Variants in SEMA5A observed in about 807,000 individuals in gnomAD.
SEMA5A encodes semaphorin 5A.
SEMA5A carries 55 observed loss-of-function variants against 135.5 expected under a neutral mutation model. The ratio of observed to expected loss-of-function variants is 0.41; its 90% CI spans 0.33 to 0.51. The LOEUF (loss-of-function observed/expected upper bound fraction) is 0.51, where lower values mean the gene tolerates loss of function less well. Ranked by LOEUF, SEMA5A falls within the 20% of genes least tolerant of loss-of-function variation. The pLI is 0.37. For missense variants in SEMA5A, 1,290 were observed against 1,419.9 expected (o/e 0.91, Z 1.47); for synonymous variants, 580 against 546.5 (o/e 1.06, Z -0.85).
At chr5:9,277,350 C>T (rs1340524416) in intron 5 of SEMA5A, among the ~76,000 whole-genome samples, 3 of 152,126 alleles carry the variant, frequency 2.0e-5, no homozygotes, top group Non-Finnish European at 2.9e-5. Flanking sequence ...AATAGGAATG[C>T]TTTTACACTG....
chr5:9,380,133 A>G, intron 2 of SEMA5A, 110 bp from the exon 3 acceptor site: 2 of 717,170 alleles, frequency 2.8e-6, no homozygotes, highest in Non-Finnish European at 4.4e-6. Context: ...GTGGAGATAG[A>G]GGAGAGCTTG....
intron 11 of SEMA5A, among the ~76,000 whole-genome samples, chr5:9,162,938 TG>T (rs1743374996): frequency 1.3e-5 from 2 of 152,150 alleles, no homozygotes; most frequent in Non-Finnish European, 2.9e-5. Context: ...AAGGTATTTT[TG>T]TTTCAAAAGT....
At chr5:9,318,464 AAAG>A in intron 4 of SEMA5A, 47 bp from the exon 5 acceptor site, 1 of 1,488,492 alleles carries the variant, frequency 6.7e-7, no homozygotes, top group Non-Finnish European at 9.2e-7. Flanking sequence ...TAGATCACAG[AAAG>A]TTAAGAGTTT....
intron 5 of SEMA5A, among the ~76,000 whole-genome samples, chr5:9,285,381 C>T (rs555434409): frequency 5.9e-5 from 9 of 152,278 alleles, no homozygotes; most frequent in South Asian, 2.1e-4. Context: ...GCCGTGAACC[C>T]GCCAAGACAG....
At chr5:9,419,097 T>TC (rs1757378053) in intron 2 of SEMA5A, among the ~76,000 whole-genome samples, 1 of 152,090 alleles carries the variant, frequency 6.6e-6, no homozygotes, top group Non-Finnish European at 1.5e-5. Flanking sequence ...AAGCATTTTT[T>TC]TTTTATTTCT....
chr5:9,120,946 T>G (rs1233811245), intron 14 of SEMA5A, among the ~76,000 whole-genome samples: 3 of 151,960 alleles, frequency 2.0e-5, no homozygotes, highest in Non-Finnish European at 4.4e-5. Context: ...GCCCAGCGAA[T>G]TTTGTATTTT....
chr5:9,461,061 C>G (rs1025782804), intron 1 of SEMA5A, among the ~76,000 whole-genome samples: 1 of 152,180 alleles, frequency 6.6e-6, no homozygotes, highest in African/African-American at 2.4e-5. Context: ...TATAGACAGG[C>G]TCACTGTAAT....
chr5:9,421,175 C>G (rs927865807), intron 2 of SEMA5A, among the ~76,000 whole-genome samples: 7 of 152,188 alleles, frequency 4.6e-5, no homozygotes, highest in African/African-American at 1.7e-4. Flanking sequence ...GTATCTTCCT[C>G]CATGTTTCTG....
At chr5:9,424,747 T>A (rs1482908978) in intron 2 of SEMA5A, among the ~76,000 whole-genome samples, 2 of 152,120 alleles carry the variant, frequency 1.3e-5, no homozygotes, top group Non-Finnish European at 2.9e-5. Flanking sequence ...TTAATTTATC[T>A]TCCCCTCTCT....
At chr5:9,053,890 A>C in intron 19 of SEMA5A, 197 bp downstream of exon 19, 1 of 518,940 alleles carries the variant, frequency 1.9e-6, no homozygotes, top group East Asian at 3.4e-5. Flanking sequence ...ACGAGTTCTG[A>C]ATCTATAGCT....
At chr5:9,511,288 C>T (rs911877006) in intron 1 of SEMA5A, 1 of 152,138 alleles carries the variant, frequency 6.6e-6, no homozygotes, top group Non-Finnish European at 1.5e-5. Flanking sequence ...TTCCTCTTAT[C>T]TCTGTTACTC....
intron 2 of SEMA5A, among the ~76,000 whole-genome samples, chr5:9,398,709 T>C (rs1420363591): frequency 6.6e-6 from 1 of 152,182 alleles, no homozygotes; most frequent in Non-Finnish European, 1.5e-5. Context: ...ATTTTCTGTG[T>C]CTAATGTCAT....
At chr5:9,197,651 C>T (rs1158928257) in intron 9 of SEMA5A, among the ~76,000 whole-genome samples, 3 of 151,834 alleles carry the variant, frequency 2.0e-5, no homozygotes, top group East Asian at 1.9e-4. Flanking sequence ...CAACGGATGG[C>T]GTCTCTCATC....
intron 5 of SEMA5A, among the ~76,000 whole-genome samples, chr5:9,240,810 T>C (rs1748151040): frequency 6.6e-6 from 1 of 152,120 alleles, no homozygotes; most frequent in Non-Finnish European, 1.5e-5. Context: ...TCACTACTGA[T>C]TTGAGAAGCC....
intron 13 of SEMA5A, among the ~76,000 whole-genome samples, 197 bp downstream of exon 13, chr5:9,136,307 A>G (rs185886405): frequency 6.6e-6 from 1 of 152,208 alleles, no homozygotes. Flanking sequence ...TCAAACAGAC[A>G]AAAAAACCTA....
At chr5:9,338,313 T>C (rs573517388) in intron 3 of SEMA5A, among the ~76,000 whole-genome samples, 31 of 152,334 alleles carry the variant, frequency 2.0e-4, no homozygotes, top group African/African-American at 7.5e-4. Context: ...TTTGGCCCCA[T>C]GATTAGACTT....
intron 2 of SEMA5A, among the ~76,000 whole-genome samples, chr5:9,406,291 C>G (rs12153624): frequency 2.6e-5 from 4 of 152,146 alleles, no homozygotes; most frequent in Non-Finnish European, 5.9e-5. Flanking sequence ...ATAACACAGG[C>G]TTCTAAAAGG....
chr5:9,496,589 T>G (rs1325328736), intron 1 of SEMA5A, among the ~76,000 whole-genome samples: 4 of 152,188 alleles, frequency 2.6e-5, no homozygotes, highest in African/African-American at 9.7e-5. Context: ...CCATGTTTTT[T>G]TCAGATCAGA....
chr5:9,334,039 C>A (rs147506690), intron 4 of SEMA5A, among the ~76,000 whole-genome samples: 100 of 152,180 alleles, frequency 6.6e-4, no homozygotes, highest in Non-Finnish European at 1.4e-3. Flanking sequence ...AAGTACCTTC[C>A]GATTCTCCAT....
Sources: allele counts gnomAD v4.1 joint callset (sites outside exome capture counted in the v4.1 genomes callset), GRCh38; gene constraint gnomAD v4.1.1; transcripts MANE v1.5; gene names NCBI Gene and HGNC (gene_info 2026-07-23, HGNC 2026-07-21).